ALG12: variants seen among roughly 807,000 people sequenced by gnomAD.
ALG12 encodes the protein dol-P-Man:Man(7)GlcNAc(2)-PP-Dol alpha-1,6-mannosyltransferase.
A neutral mutation model predicts 46.0 loss-of-function variants in ALG12; 36 were observed. That is an observed-to-expected ratio of 0.78 (90% CI 0.60 to 1.03). The LOEUF is 1.03. Among genes scored for constraint, ALG12 ranks in the 50% least tolerant of loss-of-function variants. The pLI is 0.00. For synonymous variants in ALG12, 326 were observed against 291.6 expected (o/e 1.12, Z -1.20); for missense variants, 599 against 633.5 (o/e 0.95, Z 0.58).
At chr22:49,886,461 G>A in the ALG12 span, 2 of 1,574,162 alleles carry the variant, frequency 1.3e-6, no homozygotes. The surrounding 1 kb of genome is among the most constrained non-coding windows in gnomAD (Gnocchi z 7.7). Context: ...TGCAGTCCGT[G>A]TGCCGTGCGC....
chr22:49,877,625 T>A, the ALG12 span, among the ~76,000 whole-genome samples: 194 of 152,252 alleles, frequency 1.3e-3, no homozygotes, highest in African/African-American at 4.5e-3. Flanking sequence ...ATAATTGATA[T>A]ACAATAAACA....
the ALG12 span, chr22:49,887,145 A>G: frequency 1.2e-6 from 2 of 1,613,320 alleles, no homozygotes; most frequent in Non-Finnish European, 1.7e-6. Context: ...TCTTTTTGAA[A>G]GTGAATCTTC....
chr22:49,912,782 A>C (rs1415698962), intron 3 of ALG12, among the ~76,000 whole-genome samples: 2 of 152,172 alleles, frequency 1.3e-5, no homozygotes, highest in African/African-American at 2.4e-5. Flanking sequence ...TGGGACAATC[A>C]CTTGAGCCCA....
rs2060519227 is a variant in ALG12 at position 49,902,667 on chromosome 22, GGT to G, written c.*1169_*1170del. On this transcript the variant is annotated 3_prime_UTR_variant, in exon 10 of 10. Transcript: ENST00000330817. ...TGTGCACTGTGTGGTGTGTATGCAT[GGT>G]GTGTGCACGTGTGCACTGTGTATGC... 6.9e-6 allele frequency: 1 copy of G among 145,738 alleles called. No individual in the cohort carries two copies. The highest frequency in any genetic ancestry group is 6.7e-5 in the Admixed American group (1 of 14,824). 9.0% of individuals were successfully genotyped at this position (145,738 alleles called of 1,614,324 possible). A position where few individuals can be genotyped will look rare whatever the true frequency, so the allele number is the denominator to read the frequency against.
chr22:49,887,251 C>G, the ALG12 span: 5 of 1,483,256 alleles, frequency 3.4e-6, no homozygotes. Flanking sequence ...GTCTATGACC[C>G]GCTCTGCCCA....
chr22:49,909,294 C>G lies in ALG12; in HGVS notation c.718G>C (p.Gly240Arg), dbSNP rs2146606588. The change falls in exon 6 of 10, where the codon GGA (glycine) becomes CGA (arginine). Residue 240 changes from glycine to arginine, a missense_variant. Physicochemically the swap from Gly to Arg is moderately radical, Grantham distance 125. Coordinates refer to ENST00000330817, the MANE Select transcript of ALG12 (RefSeq NM_024105.4). Reference protein sequence around the residue: ...YFWRQLTWPEGKVLWYNTVLN... With the variant: ...YFWRQLTWPERKVLWYNTVLN... ...ACAGTGTTGTACCAAAGCACCTTTC[C>G]TTCCGGCCAAGTGAGCTGCCGCCAA... 6.2e-7 allele frequency: 1 copy of G among 1,614,248 alleles called. No individual in the cohort carries two copies. Among genetic ancestry groups the G allele is most frequent in the Non-Finnish European group, 8.5e-7 (1 of 1,180,046 alleles).
At chr22:49,867,066 A>G in the ALG12 span, among the ~76,000 whole-genome samples, 1 of 152,186 alleles carries the variant, frequency 6.6e-6, no homozygotes, top group Non-Finnish European at 1.5e-5. Flanking sequence ...GCTAACCACC[A>G]CTTCAGCTGC....
At chr22:49,887,217 C>G in the ALG12 span, 8 of 1,565,410 alleles carry the variant, frequency 5.1e-6, no homozygotes, top group Middle Eastern at 1.8e-4. Context: ...GCGTGGCTGC[C>G]CCAGCGTTAG....
intron 1 of ALG12, among the ~76,000 whole-genome samples, chr22:49,915,720 A>G (rs1034208577): frequency 2.6e-5 from 4 of 152,098 alleles, no homozygotes; most frequent in African/African-American, 9.7e-5. Flanking sequence ...GGGGTTTTTG[A>G]TGCTGGATGA....
chr22:49,906,860 C>T lies in ALG12; in HGVS notation c.992+861G>A, dbSNP rs898161805. On this transcript the variant is annotated intron_variant, in intron 7 of 9. Transcript: ENST00000330817. This position sits in a 1 kb window ranked among gnomAD's most constrained non-coding sequence, Gnocchi z 4.4. ...CTGGGCCTGAGCCCCGGGTCCTTCC[C>T]CAGCACCCACAGGGCCCGGCAGTGA... 7.2e-5 allele frequency among the ~76,000 whole-genome samples: 11 copies of T among 152,060 alleles called. No homozygotes were observed. The highest frequency in any genetic ancestry group is 7.2e-4 in the Admixed American group (11 of 15,280).
the ALG12 span, among the ~76,000 whole-genome samples, chr22:49,883,123 T>A: frequency 6.6e-6 from 1 of 152,238 alleles, no homozygotes; most frequent in East Asian, 1.9e-4. Flanking sequence ...CACTTGCATT[T>A]TTTTTCATGT....
the ALG12 span, chr22:49,887,987 T>C: frequency 6.0e-6 from 1 of 167,270 alleles, no homozygotes; most frequent in African/African-American, 2.4e-5. Context: ...CTTCAGCATC[T>C]CCACGCTCTG....
rs756810127 is a variant in ALG12, at chr22:49,907,883, A to G, written c.830T>C (p.Leu277Pro). 1.9e-6 allele frequency: 3 copies of G among 1,613,874 alleles called. No homozygotes were observed. The East Asian group carries it at 6.7e-5, about 36-fold the overall frequency. The change falls in exon 7 of 10, where the codon CTC becomes CCC. Residue 277 changes from leucine to proline, a missense_variant. Leu to Pro is a moderately conservative substitution (Grantham distance 98, BLOSUM62 -3). Coordinates refer to ENST00000330817, the MANE Select transcript of ALG12 (RefSeq NM_024105.4). ...ALPRGLGCSL[L>P]FIPLGLVDRR... ...GTCTACCAAGCCCAGGGGGATGAAGAGCAGGCTGCAGCCCAGGCCGCGGGG... is the reference window on the plus strand; with the variant it reads ...GTCTACCAAGCCCAGGGGGATGAAGGGCAGGCTGCAGCCCAGGCCGCGGGG...
the ALG12 span, among the ~76,000 whole-genome samples, chr22:49,874,023 C>T: frequency 6.6e-6 from 1 of 152,246 alleles, no homozygotes; most frequent in Non-Finnish European, 1.5e-5. Context: ...CCTCTCTGAA[C>T]TCTCTTACTC....
chr22:49,885,179 C>T, the ALG12 span: 2 of 1,613,612 alleles, frequency 1.2e-6, no homozygotes, highest in South Asian at 2.2e-5. Context: ...CGGCGCCATC[C>T]AGAAGTTGTC....
Position 49,918,436 on chromosome 22 carries a change from G to C in ALG12, c.-252C>G, listed in dbSNP as rs916715040. 1.2e-4 allele frequency: 25 copies of C among 200,920 alleles called. No homozygotes were observed. Among genetic ancestry groups the C allele is most frequent in the African/African-American group, 5.8e-4 (25 of 43,116 alleles). 12.4% of individuals were successfully genotyped at this position (200,920 alleles called of 1,614,324 possible). A position where few individuals can be genotyped will look rare whatever the true frequency, so the allele number is the denominator to read the frequency against. On this transcript the variant is annotated 5_prime_UTR_variant, in exon 1 of 10. In the 5' UTR this introduces an upstream ATG that the reference lacks. Transcript: ENST00000330817. The stretch of plus-strand genomic sequence containing the variant: ...AGAGACCCTCTGTGCCCTGAGTAAA[G>C]ATGGCCGCCGCGGGCTGCGCGCGAG...
the ALG12 span, among the ~76,000 whole-genome samples, chr22:49,881,268 G>A: frequency 6.6e-6 from 1 of 152,274 alleles, no homozygotes; most frequent in South Asian, 2.1e-4. Context: ...AGAAGCACTT[G>A]AACCCAGGAA....
At chr22:49,879,188 A>G in the ALG12 span, among the ~76,000 whole-genome samples, 6 of 149,120 alleles carry the variant, frequency 4.0e-5, no homozygotes, top group East Asian at 1.0e-3. Flanking sequence ...GAAGTGGCGC[A>G]ATCTCGGCTC....
chr22:49,915,707 T>TG, intron 1 of ALG12, among the ~76,000 whole-genome samples: 1 of 152,160 alleles, frequency 6.6e-6, no homozygotes, highest in Non-Finnish European at 1.5e-5. Context: ...TTTTTGACGG[T>TG]GGGGGGTTTT....
Sources: gnomAD v4.1 joint callset for allele counts (sites outside exome capture counted in the v4.1 genomes callset) on GRCh38, gnomAD v4.1.1 for gene constraint, Gnocchi (gnomAD v3.1) non-coding constraint, MANE v1.5 for transcripts, NCBI Gene and HGNC (gene_info 2026-07-23, HGNC 2026-07-21) for gene names.